Variants in ZNF608 observed in about 807,000 individuals in gnomAD.
ZNF608 encodes the protein renal carcinoma antigen NY-REN-36.
In ZNF608, 12 loss-of-function variants were observed where a neutral mutation model predicts 109.0. That is an observed-to-expected ratio of 0.11 (90% CI 0.07 to 0.18). ZNF608 has a LOEUF of 0.18. Among genes scored for constraint, ZNF608 ranks in the 10% least tolerant of loss-of-function variants. The probability of loss-of-function intolerance (pLI) is 1.00; values close to 1 mark genes in which losing one functional copy is unlikely to be tolerated. For synonymous variants in ZNF608, 732 were observed against 717.4 expected (o/e 1.02, Z -0.33); for missense variants, 1,707 against 1,879.3 (o/e 0.91, Z 1.70).
chr5:124,677,844 G>A (rs1037948975), intron 3 of ZNF608, among the ~76,000 whole-genome samples: 1 of 152,024 alleles, frequency 6.6e-6, no homozygotes, highest in African/African-American at 2.4e-5. Context: ...CACAGAGCAC[G>A]AACACCACCC....
Position 124,644,507 on chromosome 5 carries a change from G to T in ZNF608, c.3860C>A (p.Ser1287Ter), listed in dbSNP as rs267600332. The T allele has an allele frequency of 6.2e-7, 1 of 1,614,036 alleles. No homozygotes were observed. Among genetic ancestry groups the T allele is most frequent in the Admixed American group, 1.7e-5 (1 of 59,992 alleles). The stretch of plus-strand genomic sequence containing the variant: ...GGGCTCCTCTTTAATGCTTGTTAAC[G>T]ATACAGGAAGGCTGGGCACACCACT... Reference protein sequence around the residue: ...KESGVPSLPVSLTSIKEEPKE... With the variant: ...KESGVPSLPV The change falls in exon 6 of 10, where the codon TCG becomes TAG. Residue 1287 changes from serine to a stop codon, truncating the protein, a stop_gained. Coordinates refer to ENST00000513986, the MANE Select transcript of ZNF608 (RefSeq NM_020747.3). LOFTEE classifies it high-confidence loss of function.
chr5:124,714,350 T>C (rs1289741592), intron 2 of ZNF608, among the ~76,000 whole-genome samples: 3 of 151,896 alleles, frequency 2.0e-5, no homozygotes, highest in East Asian at 1.9e-4. Context: ...TCCTAGAAAC[T>C]TGGAGTTCTT....
intron 3 of ZNF608, among the ~76,000 whole-genome samples, chr5:124,676,357 C>A (rs1277435312): frequency 2.0e-5 from 3 of 152,080 alleles, no homozygotes; most frequent in South Asian, 4.1e-4. Context: ...CTTAAAATTC[C>A]ATTTGACTCT....
chr5:124,670,193 G>A (rs917823530), intron 3 of ZNF608, among the ~76,000 whole-genome samples: 4 of 152,150 alleles, frequency 2.6e-5, no homozygotes, highest in Non-Finnish European at 5.9e-5. Context: ...AGATGACGGA[G>A]CCCAGCAATC....
intron 2 of ZNF608, 75 bp from the exon 3 acceptor site, chr5:124,701,344 T>C: frequency 6.5e-7 from 1 of 1,532,170 alleles, no homozygotes. Flanking sequence ...CTTATATCAC[T>C]TCTAGAATAT....
chr5:124,672,090 G>A lies in ZNF608; in HGVS notation c.1163-22393C>T, dbSNP rs778787234. Among the ~76,000 whole-genome samples, 11 of 152,276 alleles carry A rather than the reference G, an allele frequency of 7.2e-5. No individual in the cohort carries two copies. The South Asian group carries it at 1.2e-3, about 17-fold the overall frequency. Reference sequence around the variant, plus strand: ...TCATTCTTTCCCTAAGAATTCTACCGAGTAATACAACATAAAATATTAATA... The same window carrying A: ...TCATTCTTTCCCTAAGAATTCTACCAAGTAATACAACATAAAATATTAATA... On this transcript the variant is annotated intron_variant, in intron 3 of 9. Transcript: ENST00000513986.
chr5:124,694,693 G>T (rs1007949961), intron 3 of ZNF608, among the ~76,000 whole-genome samples: 1 of 151,936 alleles, frequency 6.6e-6, no homozygotes, highest in African/African-American at 2.4e-5. Flanking sequence ...TTTACATTAG[G>T]TATATCTCCT....
At position 124,744,534 on chromosome 5, in the gene ZNF608, C is replaced by G. The variant is rs762640860; in HGVS notation, c.456G>C (p.Ala152=). ...CGCCGCTGCTCACACTTTGACCCAG[C>G]GCTGAATTCATGCCAGTTGCCTCTC... is the stretch of plus-strand genomic sequence containing the variant. The part of the protein sequence containing the change: ...RPGEATGMNS[A]LGQSVSSGGS... Residue 152 remains alanine (A), a synonymous_variant, in exon 2 of 10, where the codon GCG becomes GCC. Coordinates refer to ENST00000513986, the MANE Select transcript of ZNF608 (RefSeq NM_020747.3). This position sits in a 1 kb window ranked among gnomAD's most constrained non-coding sequence, Gnocchi z 4.5. The G allele has an allele frequency of 6.2e-7, 1 of 1,614,230 alleles. No homozygotes were observed. Among genetic ancestry groups the G allele is most frequent in the Admixed American group, 1.7e-5 (1 of 60,030 alleles).
At chr5:124,702,870 T>G (rs1267380500) in intron 2 of ZNF608, among the ~76,000 whole-genome samples, 1 of 152,206 alleles carries the variant, frequency 6.6e-6, no homozygotes, top group Non-Finnish European at 1.5e-5. Flanking sequence ...GATTTATGCT[T>G]TTGTGTAAAT....
chr5:124,694,139 C>T lies in ZNF608; in HGVS notation c.1162+6875G>A, dbSNP rs1389726372. ...TACAGGCGCCCGCCACCACGCTCGG[C>T]TAATTTTTTTTTTTTTTTTTTTTTT... On this transcript the variant is annotated intron_variant, in intron 3 of 9. Coordinates refer to ENST00000513986, the MANE Select transcript of ZNF608 (RefSeq NM_020747.3). Among the ~76,000 whole-genome samples, 74 of 91,538 alleles carry T rather than the reference C, an allele frequency of 8.1e-4. 1 individual carries two copies. Among genetic ancestry groups the T allele is most frequent in the Middle Eastern group, 5.2e-3 (1 of 192 alleles). The allele number at this position is 91,538 out of a possible 152,430, so 60.1% of individuals were successfully genotyped here.
At chr5:124,652,262 G>A (rs1750822514) in intron 3 of ZNF608, among the ~76,000 whole-genome samples, 1 of 152,170 alleles carries the variant, frequency 6.6e-6, no homozygotes, top group African/African-American at 2.4e-5. Flanking sequence ...AAGTACAAGT[G>A]ATGCCGTTGT....
chr5:124,678,152 C>T (rs1752036076), intron 3 of ZNF608, among the ~76,000 whole-genome samples: 1 of 152,116 alleles, frequency 6.6e-6, no homozygotes, highest in African/African-American at 2.4e-5. Flanking sequence ...GAGTTCTTAG[C>T]TTATTGTGTG....
intron 3 of ZNF608, among the ~76,000 whole-genome samples, chr5:124,690,232 A>G (rs1324536097): frequency 4.6e-5 from 7 of 152,230 alleles, no homozygotes. Flanking sequence ...GGAAGGAGAG[A>G]TGAGTAAGTG....
chr5:124,708,631 T>C, intron 2 of ZNF608: 1 of 441,702 alleles, frequency 2.3e-6, no homozygotes, highest in Admixed American at 2.5e-5. Context: ...GTTTTATTGT[T>C]GTTGTTTTAA....
chr5:124,679,842 C>T (rs1752121191), intron 3 of ZNF608, among the ~76,000 whole-genome samples: 2 of 152,166 alleles, frequency 1.3e-5, no homozygotes, highest in East Asian at 3.9e-4. Context: ...ATGCATCTGT[C>T]CCTTGTAGAA....
At chr5:124,728,497 C>A (rs919202463) in intron 2 of ZNF608, among the ~76,000 whole-genome samples, 6 of 152,144 alleles carry the variant, frequency 3.9e-5, no homozygotes, top group African/African-American at 1.2e-4. Flanking sequence ...CCACAGGAAG[C>A]ACCTTCTCTT....
chr5:124,687,353 C>T (rs1030440835), intron 3 of ZNF608, among the ~76,000 whole-genome samples: 6 of 152,162 alleles, frequency 3.9e-5, no homozygotes, highest in African/African-American at 4.8e-5. Context: ...TTTAATTGTT[C>T]AGATGCACCA....
intron 2 of ZNF608, among the ~76,000 whole-genome samples, chr5:124,715,507 A>G (rs574776846): frequency 4.3e-4 from 65 of 152,374 alleles, no homozygotes; most frequent in Non-Finnish European, 7.3e-4. Flanking sequence ...AACACCTGCA[A>G]TATAGTTTTA....
At chr5:124,748,605 T>G (rs900228752), upstream of ZNF608, 1 of 983,570 alleles carries the variant, frequency 1.0e-6, no homozygotes, top group Non-Finnish European at 1.2e-6. Flanking sequence ...CGCTTTATTT[T>G]GGAAATTATA....
Sources: allele counts gnomAD v4.1 joint callset (sites outside exome capture counted in the v4.1 genomes callset), GRCh38; gene constraint gnomAD v4.1.1; non-coding constraint Gnocchi (gnomAD v3.1); transcripts MANE v1.5; gene names NCBI Gene and HGNC (gene_info 2026-07-23, HGNC 2026-07-21).